The following CAMK1D variants were observed in gnomAD, a reference collection of about 807,000 sequenced individuals.
CAMK1D encodes calcium/calmodulin dependent protein kinase ID.
In CAMK1D, 9 loss-of-function variants were observed where a neutral mutation model predicts 47.7. That is an observed-to-expected ratio of 0.19 (90% CI 0.11 to 0.33). CAMK1D has a LOEUF of 0.33. CAMK1D is among the 10% of genes least tolerant of loss of function. CAMK1D has a pLI of 1.00. For missense variants in CAMK1D, 291 were observed against 488.7 expected (o/e 0.60, Z 3.81); for synonymous variants, 184 against 184.9 (o/e 0.99, Z 0.04).
chr10:12,781,065 AAC>A (rs1189821675), intron 5 of CAMK1D, among the ~76,000 whole-genome samples: 1 of 152,194 alleles, frequency 6.6e-6, no homozygotes, highest in Non-Finnish European at 1.5e-5. Flanking sequence ...AGTCGCTCTG[AAC>A]ACAGTGTTTT....
At chr10:12,504,093 G>A (rs1028755913) in intron 1 of CAMK1D, among the ~76,000 whole-genome samples, 7 of 151,362 alleles carry the variant, frequency 4.6e-5, no homozygotes, top group Non-Finnish European at 7.4e-5. Flanking sequence ...AAACATAAAC[G>A]GAACCAATAA....
rs770118254 is a variant in CAMK1D at position 12,761,116 on chromosome 10, G to T, written c.438+30G>T. 1.1e-5 allele frequency: 18 copies of T among 1,607,782 alleles called. No homozygotes were observed. The African/African-American group carries it at 1.7e-4, about 16-fold the overall frequency. On this transcript the variant is annotated intron_variant, in intron 4 of 10. Transcript: ENST00000619168. ...GGCCATCGCTCAGCAGCATCCTGCA[G>T]CCACTCTGCAGCCCGCAATGCACGC...
chr10:12,781,288 C>T (rs1281368965), intron 5 of CAMK1D, among the ~76,000 whole-genome samples: 3 of 152,212 alleles, frequency 2.0e-5, no homozygotes, highest in Admixed American at 6.5e-5. Context: ...ACAGAGTAGG[C>T]GTCACGCCGT....
chr10:12,763,378 C>A (rs3802572), intron 4 of CAMK1D, among the ~76,000 whole-genome samples: 68,351 of 152,044 alleles, frequency 0.45, 15,817 homozygotes, highest in East Asian at 0.57. Flanking sequence ...AGCCTACCTG[C>A]AAATGTACCT....
intron 3 of CAMK1D, among the ~76,000 whole-genome samples, chr10:12,723,915 C>T (rs1834503216): frequency 1.3e-5 from 2 of 152,168 alleles, no homozygotes; most frequent in South Asian, 4.1e-4. Flanking sequence ...CCCACTCCCC[C>T]TACCCCACAA....
chr10:12,405,528 G>A (rs146743147), intron 1 of CAMK1D, among the ~76,000 whole-genome samples: 38 of 152,270 alleles, frequency 2.5e-4, no homozygotes, highest in African/African-American at 7.5e-4. Context: ...CTAAGCGCCC[G>A]TCTTTAAAAA....
Position 12,828,963 on chromosome 10 carries a change from C to A in CAMK1D, c.*76C>A. Reference sequence around the variant, plus strand: ...GGGTCGCCAGAGCCGCGAGCCACTCCAGCGAGACCCCACCTTGCATGGTGC... The same window carrying A: ...GGGTCGCCAGAGCCGCGAGCCACTCAAGCGAGACCCCACCTTGCATGGTGC... On this transcript the variant is annotated 3_prime_UTR_variant, in exon 11 of 11. Coordinates refer to ENST00000619168, the MANE Select transcript of CAMK1D (RefSeq NM_153498.4). 9.5e-7 allele frequency: 1 copy of A among 1,055,038 alleles called. No homozygotes were observed. Among genetic ancestry groups the A allele is most frequent in the Non-Finnish European group, 1.4e-6 (1 of 737,276 alleles). The allele number at this position is 1,055,038 out of a possible 1,614,324, so 65.4% of individuals were successfully genotyped here.
intron 1 of CAMK1D, among the ~76,000 whole-genome samples, chr10:12,481,577 T>G (rs1834067007): frequency 6.6e-6 from 1 of 152,094 alleles, no homozygotes; most frequent in South Asian, 2.1e-4. Flanking sequence ...TGGCAGGAAC[T>G]TGGTTCACTG....
intron 1 of CAMK1D, among the ~76,000 whole-genome samples, chr10:12,535,602 A>G (rs886166080): frequency 6.6e-6 from 1 of 152,216 alleles, no homozygotes; most frequent in African/African-American, 2.4e-5. Context: ...AGGTTCTAAC[A>G]GTGTTGGTCC....
intron 2 of CAMK1D, among the ~76,000 whole-genome samples, chr10:12,583,054 A>G (rs1837709352): frequency 6.6e-6 from 1 of 152,236 alleles, no homozygotes; most frequent in Non-Finnish European, 1.5e-5. Flanking sequence ...CCTAGGCAAC[A>G]TGCAAGACTC....
chr10:12,660,734 C>T (rs1840251335), intron 2 of CAMK1D, among the ~76,000 whole-genome samples: 3 of 152,228 alleles, frequency 2.0e-5, no homozygotes, highest in South Asian at 2.1e-4. Context: ...TTACTTTGGG[C>T]CTGGTAAATG....
At chr10:12,542,212 T>C (rs888742735) in intron 1 of CAMK1D, among the ~76,000 whole-genome samples, 5 of 152,160 alleles carry the variant, frequency 3.3e-5, no homozygotes, top group Admixed American at 3.3e-4. Flanking sequence ...TTTAATATTG[T>C]GCTGACGTGA....
chr10:12,586,687 C>T (rs754979868), intron 2 of CAMK1D, among the ~76,000 whole-genome samples: 1 of 152,082 alleles, frequency 6.6e-6, no homozygotes, highest in African/African-American at 2.4e-5. Context: ...CCTCACCAGA[C>T]CTAGGCTGTT....
chr10:12,643,087 C>T (rs534713177), intron 2 of CAMK1D, among the ~76,000 whole-genome samples: 46 of 152,224 alleles, frequency 3.0e-4, no homozygotes, highest in Admixed American at 1.7e-3. Context: ...CTGCAACCTC[C>T]GCCTCCCGGG....
chr10:12,464,878 T>G (rs1195780352), intron 1 of CAMK1D, among the ~76,000 whole-genome samples: 1 of 152,120 alleles, frequency 6.6e-6, no homozygotes. Context: ...TTTCATATTC[T>G]TCATATTTGA....
intron 3 of CAMK1D, among the ~76,000 whole-genome samples, chr10:12,698,539 A>AG (rs1174055239): frequency 7.9e-5 from 12 of 152,184 alleles, no homozygotes; most frequent in African/African-American, 2.4e-4. Flanking sequence ...ATCTCCATCA[A>AG]GGTCGGGAGA....
chr10:12,550,846 T>C (rs1267479251), intron 1 of CAMK1D, among the ~76,000 whole-genome samples: 3 of 152,242 alleles, frequency 2.0e-5, no homozygotes, highest in East Asian at 3.8e-4. Flanking sequence ...GACAAGCTTC[T>C]CTCGTGAGCA....
intron 1 of CAMK1D, among the ~76,000 whole-genome samples, chr10:12,391,536 C>A (rs543093771): frequency 3.9e-5 from 6 of 152,162 alleles, no homozygotes; most frequent in South Asian, 4.2e-4. Context: ...AAAAAAATTC[C>A]ATTTTAAGTA....
At chr10:12,650,371 G>T (rs1305682621) in intron 2 of CAMK1D, among the ~76,000 whole-genome samples, 1 of 152,256 alleles carries the variant, frequency 6.6e-6, no homozygotes, top group Admixed American at 6.5e-5. Context: ...TCTCTGGCAG[G>T]ACATTGGTCG....
Sources: allele counts gnomAD v4.1 joint callset (sites outside exome capture counted in the v4.1 genomes callset), GRCh38; gene constraint gnomAD v4.1.1; transcripts MANE v1.5; gene names NCBI Gene and HGNC (gene_info 2026-07-23, HGNC 2026-07-21).